The following GPBP1 variants were observed in gnomAD, a reference collection of about 807,000 sequenced individuals.
GPBP1 encodes the protein vasculin.
A neutral mutation model predicts 56.5 loss-of-function variants in GPBP1; 13 were observed. That is an observed-to-expected ratio of 0.23 (90% CI 0.15 to 0.37). The LOEUF (loss-of-function observed/expected upper bound fraction) is 0.37. Among genes scored for constraint, GPBP1 ranks in the 10% least tolerant of loss-of-function variants. GPBP1 has a pLI of 1.00. For synonymous variants in GPBP1, 204 were observed against 188.9 expected (o/e 1.08, Z -0.66); for missense variants, 477 against 572.3 (o/e 0.83, Z 1.70).
At chr5:57,260,937 C>T (rs918958638) in intron 10 of GPBP1, among the ~76,000 whole-genome samples, 1 of 152,136 alleles carries the variant, frequency 6.6e-6, no homozygotes, top group East Asian at 1.9e-4. Context: ...CCTGAAGAGC[C>T]TTTGACACCA....
chr5:57,193,769 A>G (rs116583812), intron 2 of GPBP1, among the ~76,000 whole-genome samples: 3,310 of 152,266 alleles, frequency 0.022, 62 homozygotes, highest in Middle Eastern at 0.048. Context: ...TTTCAGAAAA[A>G]AAATGGATTA....
Position 57,231,089 on chromosome 5 carries a change from CAAAT to C in GPBP1, c.188-5_188-2del, listed in dbSNP as rs1756438677. The C allele has an allele frequency of 6.2e-7, 1 of 1,607,006 alleles. No individual in the cohort carries two copies. Among genetic ancestry groups the C allele is most frequent in the Non-Finnish European group, 8.5e-7 (1 of 1,175,980 alleles). The stretch of plus-strand genomic sequence containing the variant: ...TGAATTTATATTACTTTGCTATTAT[CAAAT>C]AAAGGTAACTTTGGAAGGAAAGAAA... On this transcript the variant is annotated splice_region_variant and splice_polypyrimidine_tract_variant and intron_variant, in intron 4 of 11. Transcript: ENST00000506184.
At chr5:57,247,845 G>A (rs573117981) in intron 8 of GPBP1, among the ~76,000 whole-genome samples, 4 of 152,236 alleles carry the variant, frequency 2.6e-5, no homozygotes, top group African/African-American at 9.6e-5. Context: ...CTGGGCTCAA[G>A]CAGTCCTCCC....
intron 2 of GPBP1, among the ~76,000 whole-genome samples, chr5:57,177,039 G>T (rs1753815166): frequency 6.6e-6 from 1 of 152,128 alleles, no homozygotes; most frequent in Admixed American, 6.5e-5. Context: ...AAAAAAGAGG[G>T]TATTACCAGG....
chr5:57,261,814 C>T (rs960178507), intron 11 of GPBP1, among the ~76,000 whole-genome samples: 1 of 152,102 alleles, frequency 6.6e-6, no homozygotes, highest in Non-Finnish European at 1.5e-5. Context: ...TCCCTAGTTA[C>T]CTTTCTGAAA....
At chr5:57,218,700 A>G (rs1580021970) in intron 3 of GPBP1, among the ~76,000 whole-genome samples, 1 of 152,168 alleles carries the variant, frequency 6.6e-6, no homozygotes, top group Non-Finnish European at 1.5e-5. Context: ...TTTCACCTCA[A>G]GTGATCCGCC....
At chr5:57,257,728 T>C (rs1387696323) in intron 10 of GPBP1, among the ~76,000 whole-genome samples, 1 of 152,190 alleles carries the variant, frequency 6.6e-6, no homozygotes, top group Non-Finnish European at 1.5e-5. Flanking sequence ...TTGCTGGGAT[T>C]ACAGGCATGA....
At chr5:57,250,074 C>T (rs1741310239) in intron 9 of GPBP1, among the ~76,000 whole-genome samples, 1 of 138,788 alleles carries the variant, frequency 7.2e-6, no homozygotes, top group South Asian at 2.5e-4. Context: ...TTCCCAGGTT[C>T]AAGCAATTCT....
intron 1 of GPBP1, among the ~76,000 whole-genome samples, chr5:57,175,201 A>G (rs1753746153): frequency 6.6e-6 from 1 of 152,198 alleles, no homozygotes; most frequent in Non-Finnish European, 1.5e-5. Flanking sequence ...ACCCCTTCCC[A>G]GGTGAAATCT....
chr5:57,250,593 T>C (rs77447996), intron 9 of GPBP1, among the ~76,000 whole-genome samples: 1,919 of 150,862 alleles, frequency 0.013, 41 homozygotes, highest in African/African-American at 0.043. Context: ...TGGAGTATAG[T>C]GTACAATGGC....
intron 2 of GPBP1, among the ~76,000 whole-genome samples, chr5:57,203,104 A>G (rs1341715468): frequency 1.3e-5 from 2 of 152,198 alleles, no homozygotes; most frequent in African/African-American, 2.4e-5. Context: ...TTGAAGTTCA[A>G]TTATATTTTG....
At chr5:57,220,560 A>C (rs1455030270) in intron 3 of GPBP1, among the ~76,000 whole-genome samples, 1 of 151,852 alleles carries the variant, frequency 6.6e-6, no homozygotes, top group Non-Finnish European at 1.5e-5. Context: ...CCCAGGTTCA[A>C]ACGATTCTCC....
intron 6 of GPBP1, among the ~76,000 whole-genome samples, chr5:57,244,121 T>C (rs903751161): frequency 2.0e-5 from 3 of 152,246 alleles, no homozygotes; most frequent in Non-Finnish European, 4.4e-5. Context: ...TTTTGAATTA[T>C]TCTATTTTTA....
intron 2 of GPBP1, among the ~76,000 whole-genome samples, chr5:57,181,556 T>G (rs943742784): frequency 1.3e-5 from 2 of 148,778 alleles, no homozygotes; most frequent in East Asian, 4.0e-4. Context: ...CGAGGCTCAC[T>G]GGAGCCCAGG....
At chr5:57,216,637 G>T (rs1755709641) in intron 3 of GPBP1, among the ~76,000 whole-genome samples, 1 of 152,144 alleles carries the variant, frequency 6.6e-6, no homozygotes, top group South Asian at 2.1e-4. Context: ...AGGGAGCCGA[G>T]ATCGTGCCAC....
chr5:57,178,847 C>G (rs1052023655), intron 2 of GPBP1, among the ~76,000 whole-genome samples: 98 of 152,272 alleles, frequency 6.4e-4, no homozygotes, highest in African/African-American at 2.3e-3. Flanking sequence ...TTTATCTTTT[C>G]TACTCTTTAT....
intron 2 of GPBP1, among the ~76,000 whole-genome samples, chr5:57,189,477 C>T (rs1387978987): frequency 1.3e-4 from 20 of 152,020 alleles, no homozygotes; most frequent in African/African-American, 2.9e-4. Context: ...AGGCAGGTCT[C>T]GAACTCCTGG....
At chr5:57,201,057 C>T (rs572654516) in intron 2 of GPBP1, among the ~76,000 whole-genome samples, 3 of 152,290 alleles carry the variant, frequency 2.0e-5, no homozygotes, top group South Asian at 2.1e-4. Context: ...CTCCTGATCT[C>T]GGGTAATCTG....
chr5:57,236,971 ATTTTG>A, intron 6 of GPBP1: 1 of 547,166 alleles, frequency 1.8e-6, no homozygotes, highest in East Asian at 3.0e-5. Context: ...CTCGGGAATT[ATTTTG>A]TTTTCTTTTG....
Sources: allele counts gnomAD v4.1 joint callset (sites outside exome capture counted in the v4.1 genomes callset), GRCh38; gene constraint gnomAD v4.1.1; transcripts MANE v1.5; gene names NCBI Gene and HGNC (gene_info 2026-07-23, HGNC 2026-07-21).